Variants in RP1 observed in about 807,000 individuals in gnomAD.
The protein encoded by RP1 is oxygen-regulated protein 1.
In RP1, 16 loss-of-function variants were observed where a neutral mutation model predicts 14.8. That is an observed-to-expected ratio of 1.08 (90% CI 0.73 to 1.65). The LOEUF is 1.65. Among genes scored for constraint, RP1 ranks in the 40% most tolerant of loss-of-function variants. The pLI is 0.00. For synonymous variants in RP1, 876 were observed against 883.6 expected, an observed-to-expected ratio of 0.99 and a Z score of 0.15; for missense variants, 2,631 against 2,535.0, an observed-to-expected ratio of 1.04 and a Z score of -0.81.
chr8:54,769,149 C>T (rs6990145), intron 22 of RP1, among the ~76,000 whole-genome samples: 8,789 of 152,190 alleles, frequency 0.058, 786 homozygotes, highest in African/African-American at 0.19. Flanking sequence ...CCGCCTTGGC[C>T]TCCCAAAGTG....
chr8:54,730,476 T>C (rs1808767561), intron 17 of RP1, among the ~76,000 whole-genome samples: 2 of 151,930 alleles, frequency 1.3e-5, no homozygotes, highest in South Asian at 2.1e-4. Flanking sequence ...CTGAACAGTT[T>C]AGAATAATGG....
chr8:54,686,355 A>G (rs556125575), intron 12 of RP1, among the ~76,000 whole-genome samples: 209 of 151,430 alleles, frequency 1.4e-3, no homozygotes, highest in African/African-American at 4.8e-3. Flanking sequence ...TCTCCCTGAG[A>G]CATTTTGACT....
At position 54,640,675 on chromosome 8, in the gene RP1, C is replaced by A. The variant is rs138610134; in HGVS notation, c.788-8310C>A. Among the ~76,000 whole-genome samples the A allele has an allele frequency of 4.3e-3, 655 of 152,268 alleles. 2 individuals carry two copies. Among genetic ancestry groups the A allele is most frequent in the Admixed American group, 7.4e-3 (113 of 15,280 alleles). On this transcript the variant is annotated intron_variant, in intron 3 of 22. Transcript: ENST00000636932. ...TCCTAGAGAGAACTACACACAATGA[C>A]CCTGCCCATCTGTAAAGCAGTCCAT...
Position 54,679,704 on chromosome 8 carries a change from A to C in RP1, c.1587+77A>C, listed in dbSNP as rs995709658. On this transcript the variant is annotated intron_variant, in intron 11 of 22. Transcript: ENST00000636932. Reference sequence around the variant, plus strand: ...ACTATTTGATGTGTTAAAACAAAACAGCCTATAGAGTTTAGTAAGTGCTGT... The same window carrying C: ...ACTATTTGATGTGTTAAAACAAAACCGCCTATAGAGTTTAGTAAGTGCTGT... 5.3e-6 allele frequency: 8 copies of C among 1,521,866 alleles called. No homozygotes were observed. The Admixed American group carries it at 1.6e-4, about 30-fold the overall frequency. The allele number at this position is 1,521,866 out of a possible 1,614,324, so 94.3% of individuals were successfully genotyped here. A position where few individuals can be genotyped will look rare whatever the true frequency, so the allele number is the denominator to read the frequency against.
At chr8:54,632,030 C>CG (rs1806254990), downstream of RP1, among the ~76,000 whole-genome samples, 1 of 151,816 alleles carries the variant, frequency 6.6e-6, no homozygotes, top group South Asian at 2.1e-4. Context: ...TTAGTAGAGA[C>CG]GGGGTTTCTC....
At chr8:54,639,547 T>C (rs1036591594) in intron 3 of RP1, among the ~76,000 whole-genome samples, 72 of 152,206 alleles carry the variant, frequency 4.7e-4, no homozygotes, top group African/African-American at 1.7e-3. Flanking sequence ...ATGAGGATTC[T>C]AGTTGTTCTG....
exon 8 of RP1, chr8:54,673,926 C>G: frequency 2.0e-6 from 3 of 1,534,678 alleles, no homozygotes; most frequent in Non-Finnish European, 2.6e-6. Context: ...GGACTTGGCC[C>G]AGGTAAGACT....
chr8:54,790,544 T>C (rs530342636), intron 24 of RP1, among the ~76,000 whole-genome samples: 4 of 142,646 alleles, frequency 2.8e-5, no homozygotes, highest in African/African-American at 1.1e-4. Flanking sequence ...ATAATCCCTT[T>C]AAACAAGTTC....
intron 3 of RP1, among the ~76,000 whole-genome samples, chr8:54,647,312 G>T (rs145634241): frequency 0.029 from 4,464 of 152,120 alleles, 128 homozygotes; most frequent in African/African-American, 0.066. Context: ...CTATTGAGAG[G>T]CTGAGGCAGG....
At chr8:54,725,705 C>T (rs1808637666) in intron 16 of RP1, among the ~76,000 whole-genome samples, 1 of 152,090 alleles carries the variant, frequency 6.6e-6, no homozygotes, top group Non-Finnish European at 1.5e-5. Context: ...GTGTGAATTA[C>T]CACCATTTAA....
exon 26 of RP1, chr8:54,852,680 A>G: frequency 1.6e-6 from 2 of 1,232,106 alleles, no homozygotes; most frequent in South Asian, 8.2e-5. Flanking sequence ...CAGGAAAACG[A>G]AGACTTCATC....
Position 54,760,340 on chromosome 8 carries a change from C to G in RP1, c.3248+1264C>G, listed in dbSNP as rs538652240. On this transcript the variant is annotated intron_variant, in intron 22 of 22. Coordinates refer to the RP1 transcript ENST00000636932. ...TTTCTTCTGTGTCTTTCTTTCGCAGCCTACCTGCCCACAACTTCCAAGCTA... is the reference window on the plus strand; with the variant it reads ...TTTCTTCTGTGTCTTTCTTTCGCAGGCTACCTGCCCACAACTTCCAAGCTA... Among the ~76,000 whole-genome samples the G allele has an allele frequency of 5.3e-5, 8 of 152,306 alleles. No homozygotes were observed. The South Asian group carries it at 1.7e-3, about 32-fold the overall frequency.
chr8:54,736,085 A>G (rs1395245541), intron 18 of RP1, among the ~76,000 whole-genome samples: 1 of 152,140 alleles, frequency 6.6e-6, no homozygotes, highest in Non-Finnish European at 1.5e-5. Context: ...CTAAAGTGCA[A>G]CCAAGGTTGA....
rs115943244 is a variant in RP1, at chr8:54,785,287, T to A, written c.3615+1577T>A. Among the ~76,000 whole-genome samples the A allele has an allele frequency of 7.3e-3, 1,105 of 152,274 alleles. 9 individuals are homozygous for A. The highest frequency in any genetic ancestry group is 0.025 in the African/African-American group (1,041 of 41,572). On this transcript the variant is annotated intron_variant, in intron 24 of 28. Transcript: ENST00000637698. ...CAACATGGAGTATTTTTGTCTGACT[T>A]GTTTTACGTAGCATAAAGAATGCTT...
chr8:54,759,186 T>C, intron 22 of RP1: 1 of 1,148,582 alleles, frequency 8.7e-7, no homozygotes, highest in South Asian at 2.3e-5. Flanking sequence ...ATCTTTTAGG[T>C]CACGGATTTG....
At chr8:54,714,847 A>G (rs1808364815) in intron 15 of RP1, among the ~76,000 whole-genome samples, 1 of 152,230 alleles carries the variant, frequency 6.6e-6, no homozygotes, top group African/African-American at 2.4e-5. Flanking sequence ...TTACAGCATG[A>G]AAGAGATTTG....
At chr8:54,700,845 A>G (rs1050476153) in intron 13 of RP1, among the ~76,000 whole-genome samples, 4 of 152,136 alleles carry the variant, frequency 2.6e-5, no homozygotes, top group Admixed American at 1.3e-4. Flanking sequence ...AGATGTGCTC[A>G]TCCAGTGTCA....
intron 1 of RP1, among the ~76,000 whole-genome samples, chr8:54,617,291 C>T (rs1051149539): frequency 1.3e-5 from 2 of 152,176 alleles, no homozygotes; most frequent in African/African-American, 4.8e-5. Flanking sequence ...TGTTCGTTCC[C>T]TAGGTAGCCC....
At chr8:54,823,271 G>C (rs1811303277) in intron 24 of RP1, among the ~76,000 whole-genome samples, 1 of 152,118 alleles carries the variant, frequency 6.6e-6, no homozygotes, top group African/African-American at 2.4e-5. Flanking sequence ...ATAATGTTTA[G>C]AATGTTATAT....
Sources: gnomAD v4.1 joint callset for allele counts (sites outside exome capture counted in the v4.1 genomes callset) on GRCh38, gnomAD v4.1.1 for gene constraint, MANE v1.5 for transcripts, NCBI Gene and HGNC (gene_info 2026-07-23, HGNC 2026-07-21) for gene names.